The following OXR1 variants were observed in gnomAD, a reference collection of about 807,000 sequenced individuals.
The protein encoded by OXR1 is oxidation resistance protein 1.
A neutral mutation model predicts 104.6 loss-of-function variants in OXR1; 41 were observed. The ratio of observed to expected loss-of-function variants is 0.39; its 90% confidence interval spans 0.31 to 0.51. The LOEUF is 0.51. Ranked by LOEUF, OXR1 falls within the 20% of genes least tolerant of loss-of-function variation. The pLI, the probability that OXR1 is intolerant of heterozygous loss-of-function variation, is 0.77. For synonymous variants in OXR1, 348 were observed against 348.4 expected, an observed-to-expected ratio of 1.00 and a Z score of 0.01; for missense variants, 955 against 1,031.9, an observed-to-expected ratio of 0.93 and a Z score of 1.02.
chr8:106,750,443 T>C (rs1022812818), intron 16 of OXR1, among the ~76,000 whole-genome samples: 8 of 151,618 alleles, frequency 5.3e-5, no homozygotes, highest in Admixed American at 5.3e-4. Context: ...CTCCTGCCTC[T>C]GCCTCCCGAG....
At chr8:106,294,702 G>C (rs1812917547) in intron 1 of OXR1, among the ~76,000 whole-genome samples, 1 of 152,086 alleles carries the variant, frequency 6.6e-6, no homozygotes, top group East Asian at 1.9e-4. Context: ...AGCCATGAAG[G>C]ATCTGCCTCC....
intron 2 of OXR1, among the ~76,000 whole-genome samples, chr8:106,464,558 C>T (rs540306818): frequency 6.6e-6 from 1 of 151,984 alleles, no homozygotes; most frequent in African/African-American, 2.4e-5. Flanking sequence ...CAGGAGCTTT[C>T]GACGTGACAA....
chr8:106,587,525 A>T (rs1197423090), intron 3 of OXR1, among the ~76,000 whole-genome samples: 2 of 152,190 alleles, frequency 1.3e-5, no homozygotes, highest in African/African-American at 4.8e-5. Context: ...ATACAAAGAC[A>T]TCTTAGTTAT....
intron 1 of OXR1, among the ~76,000 whole-genome samples, chr8:106,319,600 T>G (rs1392970657): frequency 1.3e-5 from 2 of 152,202 alleles, no homozygotes; most frequent in African/African-American, 2.4e-5. Context: ...AAGCCTGTTC[T>G]TCTTCCACTT....
intron 2 of OXR1, among the ~76,000 whole-genome samples, chr8:106,501,414 T>G (rs1230872462): frequency 2.0e-5 from 3 of 152,162 alleles, no homozygotes; most frequent in African/African-American, 7.2e-5. Context: ...TTGCAGAGTA[T>G]GGTGAGTGGT....
intron 2 of OXR1, among the ~76,000 whole-genome samples, chr8:106,477,808 T>G (rs964318793): frequency 1.4e-4 from 22 of 152,108 alleles, no homozygotes; most frequent in Non-Finnish European, 2.9e-4. Context: ...TGTAATTTTT[T>G]TATTATTGGT....
chr8:106,332,558 T>C (rs1365265543), intron 1 of OXR1, among the ~76,000 whole-genome samples: 3 of 152,072 alleles, frequency 2.0e-5, no homozygotes, highest in African/African-American at 7.2e-5. Flanking sequence ...TGTCTGAGAG[T>C]TTGCATTTCC....
In OXR1 at chr8:106,684,246, G is replaced by A; in HGVS notation, c.412G>A (p.Val138Ile). Residue 138 changes from valine to isoleucine, a missense_variant and splice_region_variant, in exon 6 of 17, where the codon GTT becomes ATT. Val to Ile is a conservative substitution (Grantham distance 29). Transcript: ENST00000517566. ...TCTTTGTGTGAATGTTTTCTTACAG[G>A]TTCTGTATGTTCCTGATCCTGAATA... ...LFSRAVVTGQ[V>I]LYVPDPEYVS... 1 of 1,498,744 alleles carries A rather than the reference G, an allele frequency of 6.7e-7. No individual in the cohort carries two copies. Among genetic ancestry groups the A allele is most frequent in the Non-Finnish European group, 9.3e-7 (1 of 1,077,178 alleles). The allele number at this position is 1,498,744 out of a possible 1,614,324, so 92.8% of individuals were successfully genotyped here.
chr8:106,373,106 A>G (rs967108651), intron 2 of OXR1, among the ~76,000 whole-genome samples: 1 of 152,216 alleles, frequency 6.6e-6, no homozygotes, highest in Non-Finnish European at 1.5e-5. Flanking sequence ...AGGTATTATA[A>G]GTATCTAGGG....
At chr8:106,339,540 AT>A (rs1815147057) in intron 1 of OXR1, among the ~76,000 whole-genome samples, 2 of 126,690 alleles carry the variant, frequency 1.6e-5, no homozygotes, top group East Asian at 2.3e-4. Context: ...ATATATATAT[AT>A]ATATATATAT....
At chr8:106,636,853 G>A (rs150721588) in intron 3 of OXR1, among the ~76,000 whole-genome samples, 1 of 152,164 alleles carries the variant, frequency 6.6e-6, no homozygotes, top group Non-Finnish European at 1.5e-5. Flanking sequence ...CATGGTGACA[G>A]GCTCCCTATT....
intron 3 of OXR1, among the ~76,000 whole-genome samples, chr8:106,528,488 A>T (rs1813856317): frequency 6.6e-6 from 1 of 152,182 alleles, no homozygotes; most frequent in African/African-American, 2.4e-5. Context: ...TTGAAAAGAG[A>T]GCCTATGGAA....
chr8:106,401,314 C>G (rs10955421), intron 2 of OXR1, among the ~76,000 whole-genome samples: 1 of 152,014 alleles, frequency 6.6e-6, no homozygotes, highest in African/African-American at 2.4e-5. Flanking sequence ...TGGCATATCA[C>G]GTTGAACCAT....
rs114827658 is a variant in OXR1, at chr8:106,533,919, A to G, written c.220+14780A>G. On this transcript the variant is annotated intron_variant, in intron 3 of 16. Coordinates refer to ENST00000517566, the MANE Select transcript of OXR1 (RefSeq NM_001198533.2). ...GTAGAGACAGGGCTTTTCCATATTGATCAGTCTGGTCTTGAACTCCCAACG... is the reference window on the plus strand; with the variant it reads ...GTAGAGACAGGGCTTTTCCATATTGGTCAGTCTGGTCTTGAACTCCCAACG... 8.4e-3 allele frequency among the ~76,000 whole-genome samples: 1,272 copies of G among 151,916 alleles called. 19 individuals are homozygous for G. The highest frequency in any genetic ancestry group is 0.029 in the African/African-American group (1,204 of 41,436).
chr8:106,566,293 A>G (rs1817067863), intron 3 of OXR1, among the ~76,000 whole-genome samples: 1 of 152,118 alleles, frequency 6.6e-6, no homozygotes, highest in Non-Finnish European at 1.5e-5. Context: ...AAACAACCCC[A>G]TCAAAAAGTG....
At chr8:106,731,071 T>C (rs1833845256) in intron 11 of OXR1, among the ~76,000 whole-genome samples, 2 of 152,152 alleles carry the variant, frequency 1.3e-5, no homozygotes, top group South Asian at 4.1e-4. Flanking sequence ...TTTAAATAGA[T>C]GTGTAGTGAT....
chr8:106,411,702 A>G (rs1252413874), intron 2 of OXR1, among the ~76,000 whole-genome samples: 1 of 152,140 alleles, frequency 6.6e-6, no homozygotes, highest in Non-Finnish European at 1.5e-5. Flanking sequence ...TTTCTGTGCA[A>G]GATTTTGACT....
intron 4 of OXR1, among the ~76,000 whole-genome samples, chr8:106,680,504 T>C (rs796544464): frequency 9.2e-5 from 14 of 152,260 alleles, no homozygotes; most frequent in African/African-American, 3.4e-4. Flanking sequence ...ATTTTGTTTC[T>C]CCAGAACTCT....
chr8:106,659,855 C>T (rs1251928422), intron 3 of OXR1, among the ~76,000 whole-genome samples: 2 of 152,190 alleles, frequency 1.3e-5, no homozygotes, highest in African/African-American at 4.8e-5. Flanking sequence ...ACAGCTATAT[C>T]TGACACCCTC....
Sources: allele counts gnomAD v4.1 joint callset (sites outside exome capture counted in the v4.1 genomes callset), GRCh38; gene constraint gnomAD v4.1.1; transcripts MANE v1.5; gene names NCBI Gene and HGNC (gene_info 2026-07-23, HGNC 2026-07-21).